GRIK4: variants seen among roughly 807,000 people sequenced by gnomAD.
GRIK4 encodes the protein glutamate ionotropic receptor kainate type subunit 4.
GRIK4 carries 40 observed loss-of-function variants against 104.9 expected under a neutral mutation model. That is an observed-to-expected ratio of 0.38 (90% CI 0.30 to 0.50). GRIK4 has a LOEUF of 0.50. Among genes scored for constraint, GRIK4 ranks in the 20% least tolerant of loss-of-function variants. The probability of loss-of-function intolerance (pLI) is 0.93; values close to 1 mark genes in which losing one functional copy is unlikely to be tolerated. For missense variants in GRIK4, 1,047 were observed against 1,308.1 expected (o/e 0.80, Z 3.08); for synonymous variants, 485 against 524.9 (o/e 0.92, Z 1.04).
intron 3 of GRIK4, among the ~76,000 whole-genome samples, chr11:120,664,255 G>A (rs1591782844): frequency 1.3e-5 from 2 of 152,208 alleles, no homozygotes; most frequent in East Asian, 3.8e-4. Context: ...CCATCTGTCT[G>A]TCTTACTTAA....
chr11:120,724,672 C>T (rs1299044702), intron 3 of GRIK4, among the ~76,000 whole-genome samples: 1 of 152,130 alleles, frequency 6.6e-6, no homozygotes, highest in Non-Finnish European at 1.5e-5. Context: ...AATGTCTAAG[C>T]CTAGAAACTA....
At chr11:120,766,120 G>A (rs763763434) in intron 3 of GRIK4, among the ~76,000 whole-genome samples, 4 of 152,214 alleles carry the variant, frequency 2.6e-5, no homozygotes, top group Non-Finnish European at 5.9e-5. Flanking sequence ...GCTGACTGGG[G>A]CTGCTACCTT....
intron 3 of GRIK4, among the ~76,000 whole-genome samples, chr11:120,758,838 G>A (rs375915027): frequency 7.2e-5 from 11 of 152,146 alleles, no homozygotes; most frequent in South Asian, 6.2e-4. Flanking sequence ...CTGGTATTCC[G>A]TGAAACATAG....
chr11:120,595,579 C>T (rs1364814787), intron 1 of GRIK4, among the ~76,000 whole-genome samples: 2 of 152,210 alleles, frequency 1.3e-5, no homozygotes, highest in Non-Finnish European at 2.9e-5. Context: ...TTGATGACCT[C>T]TCACAGTTTC....
At chr11:120,876,759 T>C (rs1173627904) in intron 11 of GRIK4, among the ~76,000 whole-genome samples, 2 of 152,124 alleles carry the variant, frequency 1.3e-5, no homozygotes, top group Non-Finnish European at 1.5e-5. Flanking sequence ...TACAACAAAT[T>C]ATGCATCAGA....
intron 4 of GRIK4, 112 bp downstream of exon 4, chr11:120,802,969 T>A: frequency 1.1e-6 from 1 of 945,214 alleles, no homozygotes; most frequent in Non-Finnish European, 1.6e-6. Context: ...ATGTCGATAT[T>A]TCCAGAGGAA....
At position 120,902,111 on chromosome 11, in the gene GRIK4, A is replaced by G. The variant is rs1942752558; in HGVS notation, c.1273-3179A>G. On this transcript the variant is annotated intron_variant, in intron 12 of 20. Transcript: ENST00000527524. The surrounding 1 kb of genome is among the most constrained non-coding windows in gnomAD (Gnocchi z 4.5). ...TAATCCCGAATGATTTATCCCTTAA[A>G]ACTCAGCACACATTCATGTTGTCTC... Among the ~76,000 whole-genome samples, 1 of 152,068 alleles carries G rather than the reference A, an allele frequency of 6.6e-6. No homozygotes were observed. Among genetic ancestry groups the G allele is most frequent in the African/African-American group, 2.4e-5 (1 of 41,386 alleles).
rs1943686993 is a variant in GRIK4, at chr11:120,940,093, AC to A, written c.1477-249del. ...TGTCTCTGAACAGTCTGGTAGTGAT[AC>A]CCCCTGTTTTTAAAATTATTTATGT... On this transcript the variant is annotated intron_variant, in intron 13 of 20. Coordinates refer to ENST00000527524, the MANE Select transcript of GRIK4 (RefSeq NM_014619.5). This position sits in a 1 kb window ranked among gnomAD's most constrained non-coding sequence, Gnocchi z 4.3. Among the ~76,000 whole-genome samples the A allele has an allele frequency of 6.6e-6, 1 of 151,400 alleles. No individual in the cohort carries two copies. The highest frequency in any genetic ancestry group is 2.1e-4 in the South Asian group (1 of 4,818).
At chr11:120,796,530 G>A (rs1180606563) in intron 3 of GRIK4, among the ~76,000 whole-genome samples, 1 of 152,184 alleles carries the variant, frequency 6.6e-6, no homozygotes, top group African/African-American at 2.4e-5. Context: ...GAGAAAGAGA[G>A]CACTGTGGCT....
At chr11:120,808,904 C>T (rs1952770431) in intron 4 of GRIK4, among the ~76,000 whole-genome samples, 1 of 152,162 alleles carries the variant, frequency 6.6e-6, no homozygotes, top group Non-Finnish European at 1.5e-5. Context: ...CTGTGAGCCC[C>T]GTGGGGCCAG....
intron 1 of GRIK4, among the ~76,000 whole-genome samples, chr11:120,602,895 G>A (rs1292252103): frequency 6.6e-6 from 1 of 152,114 alleles, no homozygotes; most frequent in Non-Finnish European, 1.5e-5. Flanking sequence ...TAGAGATAAG[G>A]TCTCACTATG....
intron 1 of GRIK4, among the ~76,000 whole-genome samples, chr11:120,516,714 A>G (rs1002394934): frequency 2.0e-5 from 3 of 152,174 alleles, no homozygotes; most frequent in Non-Finnish European, 4.4e-5. Flanking sequence ...GCGCGCTGAC[A>G]GATTGGATGC....
rs141208125 is a variant in GRIK4, at chr11:120,910,260, C to T, written c.1476+4767C>T. Among the ~76,000 whole-genome samples the T allele has an allele frequency of 1.5e-3, 236 of 152,342 alleles. 1 individual carries two copies. The highest frequency in any genetic ancestry group is 5.3e-3 in the African/African-American group (221 of 41,568). The stretch of plus-strand genomic sequence containing the variant: ...TACAGAGACCATGGGCTTAGACACA[C>T]GGCCGTGTATTCATTGTGGAGGAGA... On this transcript the variant is annotated intron_variant, in intron 13 of 20. Transcript: ENST00000527524.
intron 11 of GRIK4, among the ~76,000 whole-genome samples, chr11:120,889,588 CATTTTT>C (rs990247492): frequency 2.7e-4 from 18 of 67,144 alleles, no homozygotes; most frequent in African/African-American, 6.4e-4. Flanking sequence ...AAAGAGCTTA[CATTTTT>C]TTTTTTTTTT....
chr11:120,793,668 G>C (rs996814865), intron 3 of GRIK4, among the ~76,000 whole-genome samples: 4 of 151,906 alleles, frequency 2.6e-5, no homozygotes, highest in Non-Finnish European at 4.4e-5. Flanking sequence ...GATGTTAGGG[G>C]CTGAGAGTAG....
chr11:120,591,598 C>A (rs1005936191), intron 1 of GRIK4, among the ~76,000 whole-genome samples: 1 of 152,112 alleles, frequency 6.6e-6, no homozygotes, highest in East Asian at 1.9e-4. Context: ...GGGCTTTTTG[C>A]CTTCTTCCCT....
intron 1 of GRIK4, among the ~76,000 whole-genome samples, chr11:120,567,808 A>T (rs1948349612): frequency 6.6e-6 from 1 of 152,204 alleles, no homozygotes; most frequent in East Asian, 1.9e-4. Context: ...TGGGCTTTTT[A>T]AAAGTCTTAT....
At chr11:120,885,856 C>T (rs1426453208) in intron 11 of GRIK4, among the ~76,000 whole-genome samples, 3 of 152,204 alleles carry the variant, frequency 2.0e-5, no homozygotes, top group Non-Finnish European at 4.4e-5. Context: ...TCAGAGCTGA[C>T]TAGGGTGGAC....
intron 1 of GRIK4, among the ~76,000 whole-genome samples, chr11:120,634,206 G>A (rs1949367566): frequency 6.6e-6 from 1 of 152,186 alleles, no homozygotes; most frequent in Non-Finnish European, 1.5e-5. Context: ...GCAAGAGGGG[G>A]CCTCTGGTGC....
Sources: allele counts gnomAD v4.1 joint callset (sites outside exome capture counted in the v4.1 genomes callset), GRCh38; gene constraint gnomAD v4.1.1; non-coding constraint Gnocchi (gnomAD v3.1); transcripts MANE v1.5; gene names NCBI Gene and HGNC (gene_info 2026-07-23, HGNC 2026-07-21).